The following IGSF3 variants were observed in gnomAD, a reference collection of about 807,000 sequenced individuals.
IGSF3 encodes immunoglobulin superfamily member 3.
Under a neutral mutation model 114.4 loss-of-function variants are expected in IGSF3, and 23 were observed. The ratio of observed to expected loss-of-function variants is 0.20; its 90% confidence interval spans 0.14 to 0.28. The LOEUF (loss-of-function observed/expected upper bound fraction) is 0.28, where lower values mean the gene tolerates loss of function less well. Among genes scored for constraint, IGSF3 ranks in the 10% least tolerant of loss-of-function variants. The pLI, the probability that IGSF3 is intolerant of heterozygous loss-of-function variation, is 1.00. For synonymous variants in IGSF3, 571 were observed against 645.2 expected, an observed-to-expected ratio of 0.88 and a Z score of 1.74; for missense variants, 1,172 against 1,591.5, an observed-to-expected ratio of 0.74 and a Z score of 4.48.
intron 2 of IGSF3, among the ~76,000 whole-genome samples, chr1:116,637,574 G>C (rs571168965): frequency 6.6e-6 from 1 of 152,128 alleles, no homozygotes; most frequent in African/African-American, 2.4e-5. Flanking sequence ...GCAAGCAGAC[G>C]ACCTTCTTTC....
chr1:116,593,552 G>C lies in IGSF3; in HGVS notation c.2030-4448C>G, dbSNP rs1272517064. On this transcript the variant is annotated intron_variant, in intron 7 of 10. Coordinates refer to ENST00000369486, the MANE Select transcript of IGSF3 (RefSeq NM_001007237.3). The surrounding 1 kb of genome is among the most constrained non-coding windows in gnomAD (Gnocchi z 4.5). ...TGCATGGGAAGCCAGTGGCACAGGC[G>C]CCTGCCAGTCAAACTGTTACTACCC... 7.9e-5 allele frequency among the ~76,000 whole-genome samples: 12 copies of C among 152,162 alleles called. No individual in the cohort carries two copies.
At chr1:116,604,166 T>A in intron 5 of IGSF3, 141 bp from the exon 6 acceptor site, 1 of 753,294 alleles carries the variant, frequency 1.3e-6, no homozygotes. Flanking sequence ...ACTCTGACCC[T>A]AGTTGCTGCA....
chr1:116,604,827 CTCAA>C (rs1377401477), intron 5 of IGSF3, among the ~76,000 whole-genome samples: 1 of 152,200 alleles, frequency 6.6e-6, no homozygotes, highest in Non-Finnish European at 1.5e-5. Context: ...TCTGAATTCA[CTCAA>C]TCAAATTATT....
In IGSF3 at chr1:116,589,938, C is replaced by T. The variant is rs1236895766; in HGVS notation, c.2030-834G>A. On this transcript the variant is annotated intron_variant, in intron 7 of 10. Coordinates refer to ENST00000369486, the MANE Select transcript of IGSF3 (RefSeq NM_001007237.3). This position sits in a 1 kb window ranked among gnomAD's most constrained non-coding sequence, Gnocchi z 5.7. The stretch of plus-strand genomic sequence containing the variant: ...CATTCTTATCGCTGCACCCCCAGAG[C>T]CTAGCACAGCACCTGGGCCAGGAAA... Among the ~76,000 whole-genome samples, 1 of 152,180 alleles carries T rather than the reference C, an allele frequency of 6.6e-6. No individual in the cohort carries two copies. Among genetic ancestry groups the T allele is most frequent in the African/African-American group, 2.4e-5 (1 of 41,424 alleles).
intron 7 of IGSF3, among the ~76,000 whole-genome samples, chr1:116,599,389 T>TACACAC (rs1156653211): frequency 4.9e-4 from 59 of 120,568 alleles, no homozygotes; most frequent in African/African-American, 2.3e-3. Flanking sequence ...GACACATACA[T>TACACAC]ATACACACAC....
At chr1:116,599,482 T>G (rs1263764905) in intron 7 of IGSF3, among the ~76,000 whole-genome samples, 3 of 152,094 alleles carry the variant, frequency 2.0e-5, no homozygotes, top group Non-Finnish European at 4.4e-5. Flanking sequence ...ATAACAAATG[T>G]GATGTGTGAT....
At position 116,582,360 on chromosome 1, in the gene IGSF3, C is replaced by T. The variant is rs1024829032; in HGVS notation, c.2848+2285G>A. ...CAGCTCCCCTGGATCTCACTGTGAC[C>T]GCCAATTCCTGGCCTGTGTGTGATG... On this transcript the variant is annotated intron_variant, in intron 9 of 10. Coordinates refer to ENST00000369486, the MANE Select transcript of IGSF3 (RefSeq NM_001007237.3). The surrounding 1 kb of genome is among the most constrained non-coding windows in gnomAD (Gnocchi z 4.7). 2.0e-5 allele frequency among the ~76,000 whole-genome samples: 3 copies of T among 152,200 alleles called. No homozygotes were observed. The highest frequency in any genetic ancestry group is 4.4e-5 in the Non-Finnish European group (3 of 68,036).
intron 2 of IGSF3, among the ~76,000 whole-genome samples, chr1:116,630,054 C>T (rs557175921): frequency 2.6e-5 from 4 of 152,280 alleles, no homozygotes; most frequent in South Asian, 2.1e-4. Flanking sequence ...GAGCCAAGGA[C>T]GTGACATACA....
At position 116,624,424 on chromosome 1, in the gene IGSF3, G is replaced by A. The variant is rs995455939; in HGVS notation, c.44-7967C>T. ...TGTAAAGTGGTATAATTGTCACAGC[G>A]TTATGGAAGGATTAAATGAGTTGCT... On this transcript the variant is annotated intron_variant, in intron 2 of 10. Coordinates refer to ENST00000369486, the MANE Select transcript of IGSF3 (RefSeq NM_001007237.3). The surrounding 1 kb of genome is among the most constrained non-coding windows in gnomAD (Gnocchi z 4.9). Among the ~76,000 whole-genome samples the A allele has an allele frequency of 3.9e-5, 6 of 152,280 alleles. No homozygotes were observed. Among genetic ancestry groups the A allele is most frequent in the African/African-American group, 4.8e-5 (2 of 41,558 alleles).
At chr1:116,631,918 TA>T (rs1277953975) in intron 2 of IGSF3, among the ~76,000 whole-genome samples, 1 of 152,198 alleles carries the variant, frequency 6.6e-6, no homozygotes, top group African/African-American at 2.4e-5. Flanking sequence ...AAGGCCACTT[TA>T]AAATACCTGG....
In IGSF3 at chr1:116,638,349, G is replaced by A. The variant is rs894861524; in HGVS notation, c.44-21892C>T. 3.9e-5 allele frequency among the ~76,000 whole-genome samples: 6 copies of A among 152,136 alleles called. No individual in the cohort carries two copies. The highest frequency in any genetic ancestry group is 1.2e-4 in the African/African-American group (5 of 41,412). On this transcript the variant is annotated intron_variant, in intron 2 of 10. Coordinates refer to ENST00000369486, the MANE Select transcript of IGSF3 (RefSeq NM_001007237.3). This position sits in a 1 kb window ranked among gnomAD's most constrained non-coding sequence, Gnocchi z 4.1. ...CATATTTTAAAATTAGTCTCCTACT[G>A]CTACTCTTTTCCCTACTCTTGCCAG...
In IGSF3 at chr1:116,579,246, C is replaced by T; in HGVS notation, c.3334+146G>A. 1 of 1,071,322 alleles carries T rather than the reference C, an allele frequency of 9.3e-7. No homozygotes were observed. Among genetic ancestry groups the T allele is most frequent in the Admixed American group, 2.8e-5 (1 of 35,654 alleles). 66.4% of individuals were successfully genotyped at this position (1,071,322 alleles called of 1,614,324 possible). On this transcript the variant is annotated intron_variant, in intron 10 of 10. Transcript: ENST00000369486. This position sits in a 1 kb window ranked among gnomAD's most constrained non-coding sequence, Gnocchi z 6.4. ...GGTCAATTATATGAACTAATATGTC[C>T]AATCCCACCATATCTCAAATCCTAC... is the stretch of plus-strand genomic sequence containing the variant.
intron 1 of IGSF3, among the ~76,000 whole-genome samples, chr1:116,667,263 G>T (rs1649372953): frequency 6.6e-6 from 1 of 152,334 alleles, no homozygotes; most frequent in Admixed American, 6.5e-5. Flanking sequence ...GGGCAAATCG[G>T]GAAGGGGCTC....
chr1:116,588,077 G>A lies in IGSF3; in HGVS notation c.2440+617C>T, dbSNP rs1211733053. Among the ~76,000 whole-genome samples, 1 of 152,208 alleles carries A rather than the reference G, an allele frequency of 6.6e-6. No individual in the cohort carries two copies. The highest frequency in any genetic ancestry group is 1.5e-5 in the Non-Finnish European group (1 of 68,038). The stretch of plus-strand genomic sequence containing the variant: ...GAAAGTGAACTTTTTAACAATCAGA[G>A]CTGCCCAAAAATGGAACTGAGGCTT... On this transcript the variant is annotated intron_variant, in intron 8 of 10. Transcript: ENST00000369486. The surrounding 1 kb of genome is among the most constrained non-coding windows in gnomAD (Gnocchi z 4.9).
chr1:116,589,498 C>T lies in IGSF3; in HGVS notation c.2030-394G>A, dbSNP rs1262325656. Among the ~76,000 whole-genome samples the T allele has an allele frequency of 6.6e-6, 1 of 152,106 alleles. No homozygotes were observed. The highest frequency in any genetic ancestry group is 1.5e-5 in the Non-Finnish European group (1 of 68,010). ...GCACAAAGTCCCTTCAGGATCTGGCCTTCACCCAAGTGTCCTGACTCATCT... is the reference window on the plus strand; with the variant it reads ...GCACAAAGTCCCTTCAGGATCTGGCTTTCACCCAAGTGTCCTGACTCATCT... On this transcript the variant is annotated intron_variant, in intron 7 of 10. Coordinates refer to ENST00000369486, the MANE Select transcript of IGSF3 (RefSeq NM_001007237.3). This position sits in a 1 kb window ranked among gnomAD's most constrained non-coding sequence, Gnocchi z 5.7.
intron 9 of IGSF3, among the ~76,000 whole-genome samples, chr1:116,580,654 C>T (rs1052422108): frequency 6.6e-6 from 1 of 152,262 alleles, no homozygotes; most frequent in African/African-American, 2.4e-5. Flanking sequence ...CATGCTGGTG[C>T]CCTGACCTCA....
rs1417814443 is a variant in IGSF3 at position 116,585,101 on chromosome 1, T to C, written c.2441-49A>G. The C allele has an allele frequency of 7.0e-7, 1 of 1,423,714 alleles. No individual in the cohort carries two copies. The highest frequency in any genetic ancestry group is 1.4e-5 in the African/African-American group (1 of 70,200). The allele number at this position is 1,423,714 out of a possible 1,614,324, so 88.2% of individuals were successfully genotyped here. On this transcript the variant is annotated intron_variant, in intron 8 of 10. Transcript: ENST00000369486. This position sits in a 1 kb window ranked among gnomAD's most constrained non-coding sequence, Gnocchi z 4.9. Reference sequence around the variant, plus strand: ...CAGCGACAAAAGGACAACAAGCAATTCGTACGCACCCTTTCCCAGGGTAGG... The same window carrying C: ...CAGCGACAAAAGGACAACAAGCAATCCGTACGCACCCTTTCCCAGGGTAGG...
chr1:116,598,719 G>A lies in IGSF3; in HGVS notation c.2029+1222C>T, dbSNP rs1660443980. On this transcript the variant is annotated intron_variant, in intron 7 of 10. Transcript: ENST00000369486. This position sits in a 1 kb window ranked among gnomAD's most constrained non-coding sequence, Gnocchi z 4.3. ...CAAAGTCAAACCCTTGCCCTTGCCT[G>A]CACAGGTGTCTGTTCCAGCCGAGGC... 6.6e-6 allele frequency among the ~76,000 whole-genome samples: 1 copy of A among 152,208 alleles called. No individual in the cohort carries two copies. The highest frequency in any genetic ancestry group is 2.1e-4 in the South Asian group (1 of 4,832).
intron 2 of IGSF3, among the ~76,000 whole-genome samples, chr1:116,637,034 C>T (rs908027970): frequency 1.5e-4 from 23 of 152,220 alleles, no homozygotes; most frequent in Admixed American, 3.9e-4. Flanking sequence ...ATTTACAAAT[C>T]GACTTGTTCC....
Sources: allele counts gnomAD v4.1 joint callset (sites outside exome capture counted in the v4.1 genomes callset), GRCh38; gene constraint gnomAD v4.1.1; non-coding constraint Gnocchi (gnomAD v3.1); transcripts MANE v1.5; gene names NCBI Gene and HGNC (gene_info 2026-07-23, HGNC 2026-07-21).